The following ABCC4 variants were observed in gnomAD, a reference collection of about 807,000 sequenced individuals.
ABCC4 encodes the protein ATP-binding cassette sub-family C member 4.
Under a neutral mutation model 168.5 loss-of-function variants are expected in ABCC4, and 102 were observed. The ratio of observed to expected loss-of-function variants is 0.61; its 90% CI spans 0.52 to 0.71. The LOEUF (loss-of-function observed/expected upper bound fraction) is 0.71, where lower values mean the gene tolerates loss of function less well. Ranked by LOEUF, ABCC4 falls within the 30% of genes least tolerant of loss-of-function variation. The probability of loss-of-function intolerance (pLI) is 0.00; values close to 1 mark genes in which losing one functional copy is unlikely to be tolerated. For synonymous variants in ABCC4, 617 were observed against 590.7 expected (o/e 1.04, Z -0.65); for missense variants, 1,402 against 1,605.8 (o/e 0.87, Z 2.17).
chr13:95,043,817 G>A lies in ABCC4; in HGVS notation c.3630-30C>T, dbSNP rs368246837. ...AATCAAAGAAGTTAAGTTTAATTTC[G>A]TAAAGATGCAAAAAGTAGACTTAAG... On this transcript the variant is annotated intron_variant, in intron 28 of 30. Transcript: ENST00000645237. 95 of 1,523,126 alleles carry A rather than the reference G, an allele frequency of 6.2e-5. No individual in the cohort carries two copies. In the African/African-American group the frequency reaches 8.7e-4, roughly 14 times the overall value. The allele number at this position is 1,523,126 out of a possible 1,614,324, so 94.4% of individuals were successfully genotyped here. A position where few individuals can be genotyped will look rare whatever the true frequency, so the allele number is the denominator to read the frequency against.
intron 20 of ABCC4, among the ~76,000 whole-genome samples, chr13:95,094,014 T>G (rs1447947140): frequency 9.9e-5 from 15 of 152,080 alleles, no homozygotes; most frequent in Admixed American, 9.8e-4. Flanking sequence ...AAAACACTGC[T>G]GGAAGAAATC....
chr13:95,267,923 C>G (rs962836323), intron 1 of ABCC4, among the ~76,000 whole-genome samples: 1 of 152,090 alleles, frequency 6.6e-6, no homozygotes, highest in Non-Finnish European at 1.5e-5. Context: ...GCCCGTCAAT[C>G]GTGCCGATGT....
chr13:95,195,675 C>T (rs1358716456), intron 8 of ABCC4, among the ~76,000 whole-genome samples: 1 of 152,120 alleles, frequency 6.6e-6, no homozygotes, highest in South Asian at 2.1e-4. Flanking sequence ...CACTCTGTCA[C>T]CCAGGCTGGA....
At chr13:95,062,663 T>C (rs1242899260) in intron 26 of ABCC4, 41 bp downstream of exon 26, 7 of 1,547,204 alleles carry the variant, frequency 4.5e-6, no homozygotes, top group Admixed American at 3.9e-5. Flanking sequence ...ACATAGTAGC[T>C]CTTATAAAAG....
chr13:95,047,472 T>C (rs995880031), intron 27 of ABCC4, among the ~76,000 whole-genome samples: 6 of 115,632 alleles, frequency 5.2e-5, no homozygotes, highest in African/African-American at 1.9e-4. Context: ...AAATACTGCC[T>C]ATTCTTTTTT....
intron 13 of ABCC4, 89 bp from the exon 14 acceptor site, chr13:95,170,717 C>A: frequency 2.7e-6 from 2 of 741,776 alleles, no homozygotes; most frequent in Non-Finnish European, 4.4e-6. Context: ...TAGTCAAAGA[C>A]AACACAGTAG....
chr13:95,162,169 C>A (rs1013329635), intron 18 of ABCC4, among the ~76,000 whole-genome samples: 2 of 152,262 alleles, frequency 1.3e-5, no homozygotes, highest in East Asian at 1.9e-4. Context: ...TTATCCTTAG[C>A]CTGCCATCCT....
intron 19 of ABCC4, among the ~76,000 whole-genome samples, chr13:95,148,610 A>G (rs1423285095): frequency 2.0e-5 from 3 of 150,464 alleles, no homozygotes; most frequent in Admixed American, 6.6e-5. Context: ...ACACACACAC[A>G]CACACACACA....
At chr13:95,190,776 T>C (rs928259499) in intron 9 of ABCC4, among the ~76,000 whole-genome samples, 5 of 152,232 alleles carry the variant, frequency 3.3e-5, no homozygotes, top group Admixed American at 3.3e-4. Context: ...ACATTTATAA[T>C]CTTCGTCTGA....
At chr13:95,276,735 C>G (rs946650544) in intron 1 of ABCC4, among the ~76,000 whole-genome samples, 3 of 152,130 alleles carry the variant, frequency 2.0e-5, no homozygotes, top group African/African-American at 7.2e-5. Flanking sequence ...ATACAACCCA[C>G]GGGCCAGCCG....
chr13:95,056,992 A>C (rs944977471), intron 26 of ABCC4, among the ~76,000 whole-genome samples: 1 of 152,206 alleles, frequency 6.6e-6, no homozygotes, highest in Non-Finnish European at 1.5e-5. Flanking sequence ...AGGAGTAAAT[A>C]ATCCATCCTA....
intron 21 of ABCC4, among the ~76,000 whole-genome samples, chr13:95,079,802 C>T (rs1391278243): frequency 6.6e-6 from 1 of 152,048 alleles, no homozygotes; most frequent in Non-Finnish European, 1.5e-5. Flanking sequence ...GGCCACTGCA[C>T]TCTAGCCTGG....
intron 21 of ABCC4, 81 bp from the exon 22 acceptor site, chr13:95,075,632 A>AT: frequency 6.3e-7 from 1 of 1,586,416 alleles, no homozygotes; most frequent in Non-Finnish European, 8.6e-7. Flanking sequence ...ATGGTCACGT[A>AT]TCCACCAAAC....
chr13:95,164,658 A>G, intron 15 of ABCC4, 140 bp from the exon 16 acceptor site: 1 of 771,236 alleles, frequency 1.3e-6, no homozygotes, highest in South Asian at 2.3e-5. Flanking sequence ...AGGGTGTGGA[A>G]ATAGCTAGCC....
chr13:95,203,693 C>A (rs541233123), intron 8 of ABCC4, among the ~76,000 whole-genome samples: 10 of 152,158 alleles, frequency 6.6e-5, no homozygotes, highest in Non-Finnish European at 1.0e-4. Flanking sequence ...CATGGCCCCT[C>A]TCTTACAAGA....
intron 19 of ABCC4, among the ~76,000 whole-genome samples, chr13:95,160,643 G>A (rs1197798859): frequency 6.6e-6 from 1 of 152,144 alleles, no homozygotes; most frequent in African/African-American, 2.4e-5. Context: ...TATCAATCTT[G>A]GCTTTTAATT....
intron 19 of ABCC4, among the ~76,000 whole-genome samples, chr13:95,117,250 C>T (rs115413412): frequency 0.022 from 2,899 of 129,660 alleles, 76 homozygotes; most frequent in African/African-American, 0.08. Flanking sequence ...CGGGCTCATG[C>T]CTGTTAAAAA....
rs2031051105 is a variant in ABCC4 at position 95,020,936 on chromosome 13, T to C, written c.*639A>G. ...CATTTTGAGAAAGTAGTATTTTCTCTTCCTTCTCTTTTAGAACATATGATA... is the reference window on the plus strand; with the variant it reads ...CATTTTGAGAAAGTAGTATTTTCTCCTCCTTCTCTTTTAGAACATATGATA... On this transcript the variant is annotated 3_prime_UTR_variant, in exon 31 of 31. Transcript: ENST00000645237. The C allele has an allele frequency of 6.6e-6, 1 of 152,382 alleles. No individual in the cohort carries two copies. Among genetic ancestry groups the C allele is most frequent in the African/African-American group, 2.4e-5 (1 of 41,452 alleles). The allele number at this position is 152,382 out of a possible 1,614,324, so 9.4% of individuals were successfully genotyped here. A position where few individuals can be genotyped will look rare whatever the true frequency, so the allele number is the denominator to read the frequency against.
At chr13:95,175,661 C>T (rs1484726986) in intron 13 of ABCC4, among the ~76,000 whole-genome samples, 1 of 152,178 alleles carries the variant, frequency 6.6e-6, no homozygotes, top group African/African-American at 2.4e-5. Flanking sequence ...TGAGGGTGGG[C>T]CCTACTCTAA....
Sources: gnomAD v4.1 joint callset for allele counts (sites outside exome capture counted in the v4.1 genomes callset) on GRCh38, gnomAD v4.1.1 for gene constraint, MANE v1.5 for transcripts, NCBI Gene and HGNC (gene_info 2026-07-23, HGNC 2026-07-21) for gene names.